The following KCNIP4 variants were observed in gnomAD, a reference collection of about 807,000 sequenced individuals.
The protein encoded by KCNIP4 is Kv channel-interacting protein 4.
Under a neutral mutation model 34.0 loss-of-function variants are expected in KCNIP4, and 12 were observed. That is an observed-to-expected ratio of 0.35 (90% CI 0.23 to 0.57). The LOEUF is 0.57. KCNIP4 is among the 20% of genes least tolerant of loss of function. The pLI is 0.83. For synonymous variants in KCNIP4, 124 were observed against 102.2 expected (o/e 1.21, Z -1.29); for missense variants, 238 against 311.7 (o/e 0.76, Z 1.78).
intron 1 of KCNIP4, among the ~76,000 whole-genome samples, chr4:21,253,391 G>C (rs1389025304): frequency 6.6e-6 from 1 of 152,146 alleles, no homozygotes; most frequent in Non-Finnish European, 1.5e-5. Flanking sequence ...ATTTCAGTAG[G>C]TTATTGATGA....
At chr4:21,817,512 C>T (rs1434458858) in intron 1 of KCNIP4, among the ~76,000 whole-genome samples, 5 of 151,932 alleles carry the variant, frequency 3.3e-5, no homozygotes, top group Admixed American at 6.6e-5. Flanking sequence ...CCTGCGGGGT[C>T]GGGCAAAAAG....
chr4:21,918,465 T>G (rs552270031), intron 1 of KCNIP4, among the ~76,000 whole-genome samples: 106 of 152,020 alleles, frequency 7.0e-4, no homozygotes, highest in African/African-American at 2.5e-3. Flanking sequence ...ATTTGCTGAG[T>G]GGAGTTAGTG....
chr4:21,540,439 A>G (rs1560501018), intron 1 of KCNIP4, among the ~76,000 whole-genome samples: 1 of 152,190 alleles, frequency 6.6e-6, no homozygotes, highest in Non-Finnish European at 1.5e-5. Context: ...CTTCAGCATG[A>G]AGGCTCAAAT....
intron 1 of KCNIP4, among the ~76,000 whole-genome samples, chr4:20,947,037 T>C (rs1268276374): frequency 6.6e-6 from 1 of 152,204 alleles, no homozygotes; most frequent in African/African-American, 2.4e-5. Flanking sequence ...CTCTCTGGCA[T>C]ACCTGGCATA....
intron 1 of KCNIP4, among the ~76,000 whole-genome samples, chr4:21,884,550 A>G (rs1726651343): frequency 6.6e-6 from 1 of 152,224 alleles, no homozygotes; most frequent in Non-Finnish European, 1.5e-5. Context: ...TCCCCAATGG[A>G]GCTACCATTG....
At chr4:21,350,990 T>C (rs1553866124) in intron 1 of KCNIP4, among the ~76,000 whole-genome samples, 1 of 152,096 alleles carries the variant, frequency 6.6e-6, no homozygotes, top group Non-Finnish European at 1.5e-5. Context: ...GCTTTATGGG[T>C]GATTTAAAGG....
chr4:20,730,245 G>C, intron 8 of KCNIP4, 116 bp from the exon 9 acceptor site: 2 of 1,295,158 alleles, frequency 1.5e-6, no homozygotes, highest in Non-Finnish European at 2.1e-6. Context: ...TATGCCAAAA[G>C]CTCAAATATT....
intron 1 of KCNIP4, among the ~76,000 whole-genome samples, chr4:21,736,215 T>G (rs1715978977): frequency 6.6e-6 from 1 of 152,122 alleles, no homozygotes. Flanking sequence ...AGGAAACCAC[T>G]GAGATTTTGG....
At chr4:21,441,311 T>G (rs1049635457) in intron 1 of KCNIP4, among the ~76,000 whole-genome samples, 1 of 151,802 alleles carries the variant, frequency 6.6e-6, no homozygotes, top group Non-Finnish European at 1.5e-5. Flanking sequence ...CCGGCTAATT[T>G]TTTTTTTATT....
chr4:21,100,528 G>C (rs914047101), intron 1 of KCNIP4, among the ~76,000 whole-genome samples: 3 of 152,090 alleles, frequency 2.0e-5, no homozygotes, highest in Admixed American at 6.6e-5. Context: ...ATTTCAGCCT[G>C]GGTGACAGAG....
At chr4:20,906,106 TTC>T (rs1292241291) in intron 1 of KCNIP4, among the ~76,000 whole-genome samples, 3 of 150,186 alleles carry the variant, frequency 2.0e-5, no homozygotes, top group African/African-American at 7.4e-5. Flanking sequence ...TTCTCTCTTT[TTC>T]TCTCTTTCTC....
At chr4:20,875,651 CT>C (rs1483700604) in intron 2 of KCNIP4, among the ~76,000 whole-genome samples, 3 of 152,056 alleles carry the variant, frequency 2.0e-5, no homozygotes, top group Admixed American at 6.6e-5. Flanking sequence ...GACTACATGC[CT>C]AGGTCAGAGC....
chr4:21,050,516 T>C (rs1292717745), intron 1 of KCNIP4, among the ~76,000 whole-genome samples: 1 of 152,208 alleles, frequency 6.6e-6, no homozygotes, highest in Non-Finnish European at 1.5e-5. Flanking sequence ...TAAATAACCA[T>C]ATTAAGCAAG....
intron 1 of KCNIP4, among the ~76,000 whole-genome samples, chr4:21,499,445 C>T (rs1255304029): frequency 6.6e-6 from 1 of 151,540 alleles, no homozygotes. Context: ...ACAATTCAAA[C>T]TTAATGGAAT....
intron 1 of KCNIP4, among the ~76,000 whole-genome samples, chr4:21,382,892 T>G (rs565463387): frequency 2.0e-5 from 3 of 152,216 alleles, no homozygotes; most frequent in Non-Finnish European, 4.4e-5. Flanking sequence ...CAACAGTGAT[T>G]ACCACCATTT....
chr4:20,899,884 C>T (rs937442849), intron 1 of KCNIP4, among the ~76,000 whole-genome samples: 15 of 152,164 alleles, frequency 9.9e-5, no homozygotes, highest in Non-Finnish European at 2.1e-4. Context: ...GTGTAATTCA[C>T]TCTGACTAGG....
At chr4:21,868,885 A>G (rs116248477) in intron 1 of KCNIP4, among the ~76,000 whole-genome samples, 154 of 152,320 alleles carry the variant, frequency 1.0e-3, no homozygotes, top group Middle Eastern at 3.4e-3. Flanking sequence ...TATTTACACG[A>G]CAGGTTGATA....
chr4:21,435,493 A>T (rs1726868764), intron 1 of KCNIP4, among the ~76,000 whole-genome samples: 2 of 152,174 alleles, frequency 1.3e-5, no homozygotes, highest in East Asian at 1.9e-4. Context: ...ATTGGGCTTG[A>T]TTGGAATCAT....
chr4:21,403,790 C>T (rs967971750), intron 1 of KCNIP4, among the ~76,000 whole-genome samples: 1 of 152,104 alleles, frequency 6.6e-6, no homozygotes, highest in Non-Finnish European at 1.5e-5. Context: ...AAGAGGGTGC[C>T]CTGTTTCTCC....
Sources: allele counts gnomAD v4.1 joint callset (sites outside exome capture counted in the v4.1 genomes callset), GRCh38; gene constraint gnomAD v4.1.1; transcripts MANE v1.5; gene names NCBI Gene and HGNC (gene_info 2026-07-23, HGNC 2026-07-21).